The following GRID1 variants were observed in gnomAD, a reference collection of about 807,000 sequenced individuals.
GRID1 encodes glutamate receptor ionotropic, delta-1.
In GRID1, 28 loss-of-function variants were observed where a neutral mutation model predicts 98.0. The observed-to-expected ratio is 0.29, with a 90% CI of 0.21 to 0.39. The LOEUF is 0.39. GRID1 is among the 10% of genes least tolerant of loss of function. The pLI is 1.00. For synonymous variants in GRID1, 553 were observed against 538.5 expected, an observed-to-expected ratio of 1.03 and a Z score of -0.37; for missense variants, 1,111 against 1,340.5, an observed-to-expected ratio of 0.83 and a Z score of 2.67.
intron 8 of GRID1, among the ~76,000 whole-genome samples, chr10:85,756,920 C>T (rs745803379): frequency 3.3e-5 from 5 of 152,136 alleles, no homozygotes; most frequent in African/African-American, 7.2e-5. Flanking sequence ...ATTACTGATT[C>T]CCTGTACAAT....
chr10:85,925,701 A>G (rs1196662208), intron 4 of GRID1, among the ~76,000 whole-genome samples: 1 of 152,228 alleles, frequency 6.6e-6, no homozygotes, highest in Admixed American at 6.5e-5. Flanking sequence ...GAGGGTGTGG[A>G]GCCATTTTGG....
chr10:85,967,958 C>T (rs888018934), intron 4 of GRID1, among the ~76,000 whole-genome samples: 2 of 152,048 alleles, frequency 1.3e-5, no homozygotes, highest in Non-Finnish European at 2.9e-5. Flanking sequence ...AAGACATTCA[C>T]AGATAAATGA....
chr10:85,653,831 T>C (rs1235953830), intron 12 of GRID1, among the ~76,000 whole-genome samples: 1 of 152,134 alleles, frequency 6.6e-6, no homozygotes, highest in Non-Finnish European at 1.5e-5. Flanking sequence ...CACATGACAC[T>C]GAAGGGAGAA....
intron 12 of GRID1, among the ~76,000 whole-genome samples, chr10:85,672,030 T>G (rs1841091437): frequency 6.6e-6 from 1 of 152,198 alleles, no homozygotes; most frequent in South Asian, 2.1e-4. Context: ...TGAAGCTGTC[T>G]CCATAACATA....
chr10:86,106,108 C>T (rs951515693), intron 4 of GRID1, among the ~76,000 whole-genome samples: 1 of 152,166 alleles, frequency 6.6e-6, no homozygotes, highest in Non-Finnish European at 1.5e-5. Context: ...AGTGTCTGTC[C>T]TTCCCTGACC....
chr10:85,912,817 C>T (rs1841559178), intron 5 of GRID1, among the ~76,000 whole-genome samples: 1 of 152,174 alleles, frequency 6.6e-6, no homozygotes, highest in African/African-American at 2.4e-5. Context: ...TCTTTATTTT[C>T]CCCCTTATTT....
chr10:85,803,558 C>T (rs1384284644), intron 8 of GRID1, among the ~76,000 whole-genome samples: 1 of 151,222 alleles, frequency 6.6e-6, no homozygotes, highest in African/African-American at 2.4e-5. Flanking sequence ...TATTCTGTGA[C>T]CAAAACAAAA....
At chr10:86,174,760 T>A (rs1845549618) in intron 3 of GRID1, among the ~76,000 whole-genome samples, 1 of 149,506 alleles carries the variant, frequency 6.7e-6, no homozygotes, top group Non-Finnish European at 1.5e-5. Flanking sequence ...AGGGCTAATA[T>A]CCAGAATCTA....
rs527969887 is a variant in GRID1 at position 86,160,278 on chromosome 10, C to T, written c.521-21254G>A. 5.9e-5 allele frequency among the ~76,000 whole-genome samples: 9 copies of T among 152,268 alleles called. 1 individual carries two copies. The South Asian group carries it at 1.9e-3, about 32-fold the overall frequency. On this transcript the variant is annotated intron_variant, in intron 3 of 15. Transcript: ENST00000327946. ...TGCCTGTCCTCCCTCCTGCTGCATG[C>T]ACCTCACCAAAGCACAAATTTCATT...
At chr10:86,020,533 C>T (rs1843035506) in intron 4 of GRID1, among the ~76,000 whole-genome samples, 1 of 152,242 alleles carries the variant, frequency 6.6e-6, no homozygotes, top group Non-Finnish European at 1.5e-5. Flanking sequence ...GTGACCTTGG[C>T]TTCTCTAAGC....
At chr10:85,769,937 T>A (rs530667808) in intron 8 of GRID1, among the ~76,000 whole-genome samples, 12 of 152,206 alleles carry the variant, frequency 7.9e-5, no homozygotes, top group Non-Finnish European at 1.5e-4. Flanking sequence ...CTCTGCAGAC[T>A]TAAATGTCCC....
chr10:86,003,762 C>T (rs1842828028), intron 4 of GRID1, among the ~76,000 whole-genome samples: 1 of 152,236 alleles, frequency 6.6e-6, no homozygotes, highest in Admixed American at 6.5e-5. Context: ...GGAGACACCA[C>T]TTATACCCAT....
intron 2 of GRID1, among the ~76,000 whole-genome samples, chr10:86,215,448 C>T (rs1420028001): frequency 2.0e-5 from 3 of 152,210 alleles, no homozygotes; most frequent in African/African-American, 7.2e-5. Flanking sequence ...TGGGATCATG[C>T]TCGCTTATTT....
chr10:86,059,761 G>T (rs1442633406), intron 4 of GRID1, among the ~76,000 whole-genome samples: 1 of 152,080 alleles, frequency 6.6e-6, no homozygotes, highest in African/African-American at 2.4e-5. Context: ...TTATTCCTGG[G>T]TTTGACCTTA....
intron 2 of GRID1, among the ~76,000 whole-genome samples, chr10:86,243,091 T>C (rs1024934779): frequency 1.3e-5 from 2 of 152,152 alleles, no homozygotes; most frequent in Non-Finnish European, 2.9e-5. Flanking sequence ...GCAGAATGCA[T>C]ATCAACTGTA....
chr10:85,830,974 A>G (rs904680581), intron 8 of GRID1, among the ~76,000 whole-genome samples: 4 of 152,194 alleles, frequency 2.6e-5, no homozygotes, highest in African/African-American at 4.8e-5. Context: ...TATCCAAAGG[A>G]ATATAAATCA....
chr10:86,233,988 G>A (rs1426163196), intron 2 of GRID1, among the ~76,000 whole-genome samples: 12 of 152,098 alleles, frequency 7.9e-5, no homozygotes, highest in Non-Finnish European at 1.3e-4. Flanking sequence ...TCCCCTGGCT[G>A]CCTCCTTGCT....
chr10:86,190,744 C>T (rs890407164), intron 3 of GRID1, among the ~76,000 whole-genome samples: 2 of 152,256 alleles, frequency 1.3e-5, no homozygotes, highest in Non-Finnish European at 2.9e-5. Flanking sequence ...ATTGATCTTT[C>T]TTGGTGACTG....
intron 4 of GRID1, among the ~76,000 whole-genome samples, chr10:85,974,004 T>G (rs972411776): frequency 1.3e-5 from 2 of 152,210 alleles, no homozygotes; most frequent in Non-Finnish European, 2.9e-5. Context: ...GTCACCTGGA[T>G]GGCCCAGCTC....
Sources: gnomAD v4.1 joint callset for allele counts (sites outside exome capture counted in the v4.1 genomes callset) on GRCh38, gnomAD v4.1.1 for gene constraint, MANE v1.5 for transcripts, NCBI Gene and HGNC (gene_info 2026-07-23, HGNC 2026-07-21) for gene names.